TRRAP: variants seen among roughly 807,000 people sequenced by gnomAD.
TRRAP encodes transformation/transcription domain-associated protein.
In TRRAP, 41 loss-of-function variants were observed where a neutral mutation model predicts 438.8. The observed-to-expected ratio is 0.09, with a 90% CI of 0.07 to 0.12. TRRAP has a LOEUF of 0.12. TRRAP is among the 10% of genes least tolerant of loss of function. TRRAP has a pLI of 1.00. For synonymous variants in TRRAP, 1,994 were observed against 1,962.9 expected (o/e 1.02, Z -0.42); for missense variants, 3,122 against 5,055.1 (o/e 0.62, Z 11.60).
In TRRAP at chr7:98,910,554, C is replaced by A; in HGVS notation, c.1759C>A (p.Gln587Lys). The A allele has an allele frequency of 1.2e-6, 2 of 1,613,988 alleles. No individual in the cohort carries two copies. Among genetic ancestry groups the A allele is most frequent in the African/African-American group, 1.3e-5 (1 of 75,020 alleles). The stretch of plus-strand genomic sequence containing the variant: ...CAAGCAGTTACAACCCAAAGAGACA[C>A]AGATTTACATCAAACTTGTGAAATA... ...PNKQLQPKET[Q>K]IYIKLVKYAM... The change falls in exon 16 of 73, where the codon CAG (glutamine) becomes AAG (lysine). Residue 587 changes from glutamine to lysine, a missense_variant. Transcript: ENST00000456197.
At position 98,988,944 on chromosome 7, in the gene TRRAP, A is replaced by G. The variant is rs761640081; in HGVS notation, c.9569A>G (p.Lys3190Arg). Residue 3190 changes from lysine (K) to arginine (R), a missense_variant, in exon 63 of 73, where the codon AAA becomes AGA. This residue lies in a region of TRRAP where 52 missense variants were observed against 88.3 expected (regional missense o/e 0.59). Coordinates refer to ENST00000456197, the MANE Select transcript of TRRAP (RefSeq NM_001375524.1). ...GCCTGCCGGCATCAGAACGAGAGCA[A>G]ATCGAGGAAATACTTAGCCAAGGTG... ...LHACRHQNES[K>R]SRKYLAKVLW... The G allele has an allele frequency of 2.5e-6, 4 of 1,613,802 alleles. No individual in the cohort carries two copies. The highest frequency in any genetic ancestry group is 1.6e-4 in the Middle Eastern group (1 of 6,082).
chr7:98,879,338 G>A (rs892922746), intron 1 of TRRAP, among the ~76,000 whole-genome samples: 7 of 152,254 alleles, frequency 4.6e-5, no homozygotes, highest in Non-Finnish European at 8.8e-5. Context: ...TCCGTGGGAA[G>A]GGGGAAGTTT....
chr7:98,911,909 C>G lies in TRRAP; in HGVS notation c.2008-113C>G, dbSNP rs1554408843. ...TTTCCTTTGGTGGATAATTAAATTT[C>G]TTGGAATGTGTGATACAGGCTTGGT... On this transcript the variant is annotated intron_variant, in intron 17 of 72. Transcript: ENST00000456197. The G allele has an allele frequency of 1.2e-5, 11 of 930,966 alleles. No individual in the cohort carries two copies. In the Admixed American group the frequency reaches 2.9e-4, roughly 24 times the overall value. 57.7% of individuals were successfully genotyped at this position (930,966 alleles called of 1,614,324 possible).
intron 6 of TRRAP, among the ~76,000 whole-genome samples, chr7:98,894,513 C>T (rs1584276422): frequency 6.6e-6 from 1 of 151,934 alleles, no homozygotes; most frequent in Admixed American, 6.6e-5. Context: ...AATTAAATAA[C>T]TTAAAATAGA....
In TRRAP at chr7:98,983,535, TTTTGG is replaced by T. The variant is rs755279128; in HGVS notation, c.9022+95_9022+99del. 42 of 1,556,066 alleles carry T rather than the reference TTTTGG, an allele frequency of 2.7e-5. No individual in the cohort carries two copies. In the African/African-American group the frequency reaches 4.8e-4, roughly 18 times the overall value. Reference sequence around the variant, plus strand: ...CCACGGTTCTGGTTTCGTCTCTGTGTTTTGGTTTGGTTTGGTTTGGTTTTTTTTTC... The same window carrying T: ...CCACGGTTCTGGTTTCGTCTCTGTGTTTTGGTTTGGTTTGGTTTTTTTTTC... On this transcript the variant is annotated intron_variant, in intron 60 of 72. Transcript: ENST00000456197.
At chr7:98,912,295 G>A in intron 18 of TRRAP, 82 bp downstream of exon 18, 1 of 1,478,116 alleles carries the variant, frequency 6.8e-7, no homozygotes, top group Non-Finnish European at 9.1e-7. Flanking sequence ...GTGGTGTCCA[G>A]GCTGGTCAGC....
At chr7:98,931,771 A>G (rs1554412998) in intron 26 of TRRAP, 106 bp downstream of exon 26, 10 of 1,484,448 alleles carry the variant, frequency 6.7e-6, no homozygotes, top group South Asian at 1.4e-5. Context: ...GTGTCTTGGT[A>G]TCTGTGGGGC....
At chr7:98,934,075 G>A (rs1790446148) in intron 27 of TRRAP, among the ~76,000 whole-genome samples, 1 of 152,160 alleles carries the variant, frequency 6.6e-6, no homozygotes, top group Admixed American at 6.5e-5. Context: ...CATCTTATGA[G>A]TATTTGTCAC....
chr7:98,889,236 T>TATCTTAGAGATAATACCC lies in TRRAP; in HGVS notation c.151-1094_151-1077dup, dbSNP rs1377364621. ...TTATCTGTGAAATGGAGATAATACC[T>TATCTTAGAGATAATACCC]ATCTTAGAGATAATACCCATCTCAG... On this transcript the variant is annotated intron_variant, in intron 3 of 72. Coordinates refer to ENST00000456197, the MANE Select transcript of TRRAP (RefSeq NM_001375524.1). Among the ~76,000 whole-genome samples, 77 of 152,182 alleles carry TATCTTAGAGATAATACCC rather than the reference T, an allele frequency of 5.1e-4. 1 individual carries two copies. Among genetic ancestry groups the TATCTTAGAGATAATACCC allele is most frequent in the African/African-American group, 1.8e-3 (74 of 41,546 alleles).
At chr7:98,953,087 G>T in intron 39 of TRRAP, 80 bp from the exon 40 acceptor site, 5 of 1,109,574 alleles carry the variant, frequency 4.5e-6, no homozygotes, top group East Asian at 2.5e-5. Flanking sequence ...GTGTTTTTAA[G>T]GCTTAAACCT....
At chr7:98,891,566 C>CG (rs1795981213) in intron 4 of TRRAP, among the ~76,000 whole-genome samples, 1 of 135,364 alleles carries the variant, frequency 7.4e-6, no homozygotes, top group Non-Finnish European at 1.6e-5. Flanking sequence ...GATGGAGTCT[C>CG]GCTCTGTTTC....
At chr7:99,004,505 A>G (rs1048041423) in intron 68 of TRRAP, 90 bp downstream of exon 68, 2 of 1,130,738 alleles carry the variant, frequency 1.8e-6, no homozygotes, top group Middle Eastern at 2.7e-4. Context: ...CCTGTGGGGA[A>G]TTTTGGACAC....
rs1331500062 is a variant in TRRAP, at chr7:98,958,564, T to C, written c.6342+473T>C. Reference sequence around the variant, plus strand: ...ATCCACCCACCTTGGCCTCCCAAAGTGCTGGGATTGCAGGCATGAGCCACC... The same window carrying C: ...ATCCACCCACCTTGGCCTCCCAAAGCGCTGGGATTGCAGGCATGAGCCACC... On this transcript the variant is annotated intron_variant, in intron 44 of 72. Transcript: ENST00000456197. Among the ~76,000 whole-genome samples, 7 of 152,212 alleles carry C rather than the reference T, an allele frequency of 4.6e-5. 1 individual carries two copies. The highest frequency in any genetic ancestry group is 4.6e-4 in the Admixed American group (7 of 15,276).
At chr7:99,004,042 C>T in intron 67 of TRRAP, 148 bp from the exon 68 acceptor site, 1 of 802,690 alleles carries the variant, frequency 1.2e-6, no homozygotes, top group Non-Finnish European at 1.9e-6. Flanking sequence ...CACTGCACTC[C>T]AGCCAGGGCA....
intron 30 of TRRAP, among the ~76,000 whole-genome samples, chr7:98,940,519 T>G (rs1379122628): frequency 6.6e-6 from 1 of 152,162 alleles, no homozygotes; most frequent in Non-Finnish European, 1.5e-5. Flanking sequence ...CAGTGAACAT[T>G]GTTACCCAGA....
intron 14 of TRRAP, 117 bp downstream of exon 14, chr7:98,909,079 A>G: frequency 1.0e-6 from 1 of 974,506 alleles, no homozygotes; most frequent in Non-Finnish European, 1.5e-6. Context: ...GCTGAAGTGC[A>G]GTGGCGTGAT....
At chr7:98,897,337 C>T (rs782083493) in intron 7 of TRRAP, among the ~76,000 whole-genome samples, 2 of 152,162 alleles carry the variant, frequency 1.3e-5, no homozygotes, top group Non-Finnish European at 2.9e-5. Flanking sequence ...GTAGTTTCTT[C>T]CCAGAAGGGA....
chr7:98,878,944 C>T (rs1795287604), intron 1 of TRRAP, among the ~76,000 whole-genome samples: 1 of 152,148 alleles, frequency 6.6e-6, no homozygotes, highest in Non-Finnish European at 1.5e-5. Context: ...AGGAGGGAAC[C>T]GGAGGGCCGT....
chr7:98,979,457 A>G (rs1040950634), intron 58 of TRRAP, among the ~76,000 whole-genome samples: 15 of 152,238 alleles, frequency 9.9e-5, no homozygotes, highest in Non-Finnish European at 1.6e-4. Flanking sequence ...GGGAATGACA[A>G]GAAAAAGCTC....
Sources: gnomAD v4.1 joint callset for allele counts (sites outside exome capture counted in the v4.1 genomes callset) on GRCh38, gnomAD v4.1.1 for gene constraint, gnomAD v4.1.1 regional missense constraint, MANE v1.5 for transcripts, NCBI Gene and HGNC (gene_info 2026-07-23, HGNC 2026-07-21) for gene names.